The following GPC5 variants were observed in gnomAD, a reference collection of about 807,000 sequenced individuals.
The protein encoded by GPC5 is glypican-5.
A neutral mutation model predicts 53.9 loss-of-function variants in GPC5; 47 were observed. The observed-to-expected ratio is 0.87, with a 90% CI of 0.69 to 1.11. The LOEUF (loss-of-function observed/expected upper bound fraction) is 1.11, where lower values mean the gene tolerates loss of function less well. GPC5 is among the 50% of genes most tolerant of loss of function. The pLI is 0.00. For missense variants in GPC5, 748 were observed against 713.1 expected (o/e 1.05, Z -0.56); for synonymous variants, 286 against 263.3 (o/e 1.09, Z -0.84).
At chr13:91,804,189 C>T (rs190065257) in intron 5 of GPC5, among the ~76,000 whole-genome samples, 1 of 152,056 alleles carries the variant, frequency 6.6e-6, no homozygotes, top group South Asian at 2.1e-4. Flanking sequence ...CATTTAGAAC[C>T]AAAAATAGTA....
intron 7 of GPC5, among the ~76,000 whole-genome samples, chr13:92,505,080 G>T (rs12430310): frequency 4.6e-5 from 7 of 151,254 alleles, no homozygotes; most frequent in Admixed American, 2.6e-4. Flanking sequence ...GTCTCCTAAA[G>T]TTACAGTTCA....
At chr13:91,922,956 C>T (rs190570441) in intron 6 of GPC5, among the ~76,000 whole-genome samples, 7 of 152,152 alleles carry the variant, frequency 4.6e-5, no homozygotes, top group African/African-American at 1.2e-4. Flanking sequence ...TTCTACCACC[C>T]TCCATTGAAT....
intron 7 of GPC5, among the ~76,000 whole-genome samples, chr13:92,812,192 A>G (rs927079726): frequency 1.3e-5 from 2 of 151,970 alleles, no homozygotes; most frequent in African/African-American, 4.8e-5. Flanking sequence ...ACATCTTTGC[A>G]GTATTAAGTG....
chr13:92,056,876 A>ATT (rs1386789513), intron 6 of GPC5, among the ~76,000 whole-genome samples: 1 of 152,200 alleles, frequency 6.6e-6, no homozygotes, highest in African/African-American at 2.4e-5. Context: ...AAGGAGGAAA[A>ATT]TATCAATTCA....
At chr13:92,002,181 T>C (rs2040561735) in intron 6 of GPC5, among the ~76,000 whole-genome samples, 1 of 151,840 alleles carries the variant, frequency 6.6e-6, no homozygotes, top group Non-Finnish European at 1.5e-5. Flanking sequence ...AGATAGGGAA[T>C]ACCTACATAT....
chr13:91,745,989 A>C (rs1237488946), intron 4 of GPC5, among the ~76,000 whole-genome samples: 2 of 152,216 alleles, frequency 1.3e-5, no homozygotes, highest in Non-Finnish European at 2.9e-5. Flanking sequence ...TATTCTAAAG[A>C]CTTCTCTAAA....
At chr13:91,931,416 A>G (rs750097048) in intron 6 of GPC5, among the ~76,000 whole-genome samples, 12 of 152,058 alleles carry the variant, frequency 7.9e-5, no homozygotes, top group Non-Finnish European at 1.3e-4. Flanking sequence ...TACAGTGTGG[A>G]GCAATGAATT....
chr13:92,665,178 A>G (rs1401356535), intron 7 of GPC5, among the ~76,000 whole-genome samples: 1 of 152,166 alleles, frequency 6.6e-6, no homozygotes, highest in Non-Finnish European at 1.5e-5. Context: ...TTTTTTCCCC[A>G]GGAACAACAG....
chr13:91,842,626 T>C lies in GPC5; in HGVS notation c.1281-65311T>C, dbSNP rs1169715050. ...CTGAGGCAGGAGAATGGCATGAACC[T>C]GGGAGGCGGAGCTTGCAGTGAGCCG... On this transcript the variant is annotated intron_variant, in intron 5 of 7. Coordinates refer to ENST00000377067, the MANE Select transcript of GPC5 (RefSeq NM_004466.6). 8.3e-5 allele frequency among the ~76,000 whole-genome samples: 11 copies of C among 131,982 alleles called. 1 individual carries two copies. In the South Asian group the frequency reaches 2.2e-3, roughly 27 times the overall value. The allele number at this position is 131,982 out of a possible 152,430, so 86.6% of individuals were successfully genotyped here.
intron 7 of GPC5, among the ~76,000 whole-genome samples, chr13:92,694,252 G>T (rs536122205): frequency 3.3e-4 from 50 of 152,176 alleles, no homozygotes; most frequent in Non-Finnish European, 4.3e-4. Flanking sequence ...TGTGTAGGTT[G>T]TTTCTCCTAA....
chr13:91,590,197 G>C (rs921502858), intron 2 of GPC5, among the ~76,000 whole-genome samples: 2 of 150,692 alleles, frequency 1.3e-5, no homozygotes, highest in African/African-American at 4.9e-5. Context: ...TTGATAACAT[G>C]GATTATCAAA....
At chr13:91,705,221 T>C (rs2036073607) in intron 3 of GPC5, among the ~76,000 whole-genome samples, 1 of 152,240 alleles carries the variant, frequency 6.6e-6, no homozygotes, top group Non-Finnish European at 1.5e-5. Context: ...CCCTTCTGAC[T>C]GTTCACATTT....
chr13:92,276,260 G>A (rs775554423), intron 7 of GPC5, among the ~76,000 whole-genome samples: 64 of 152,108 alleles, frequency 4.2e-4, no homozygotes, highest in Admixed American at 1.1e-3. Context: ...TTTCACAGAT[G>A]TCTAAACTCA....
chr13:92,611,858 C>T (rs569980750), intron 7 of GPC5, among the ~76,000 whole-genome samples: 2 of 152,054 alleles, frequency 1.3e-5, no homozygotes, highest in South Asian at 4.2e-4. Flanking sequence ...ACAGGATGTT[C>T]CTACTATTTT....
intron 5 of GPC5, among the ~76,000 whole-genome samples, chr13:91,885,159 A>G (rs1335008682): frequency 6.6e-6 from 1 of 152,150 alleles, no homozygotes; most frequent in Non-Finnish European, 1.5e-5. Context: ...ATATGTACCC[A>G]TATGCCTTTG....
At chr13:91,779,287 CACAA>C (rs1207275714) in intron 5 of GPC5, among the ~76,000 whole-genome samples, 2 of 152,172 alleles carry the variant, frequency 1.3e-5, no homozygotes, top group Non-Finnish European at 2.9e-5. Context: ...TAGCTTAAAA[CACAA>C]ACACATGGTG....
intron 5 of GPC5, among the ~76,000 whole-genome samples, chr13:91,793,685 C>A (rs566174810): frequency 6.6e-6 from 1 of 152,272 alleles, no homozygotes; most frequent in African/African-American, 2.4e-5. Flanking sequence ...ACTCACAGTT[C>A]TGCATGACTG....
rs150107661 is a variant in GPC5, at chr13:91,724,668, G to T, written c.1021-3864G>T. Among the ~76,000 whole-genome samples the T allele has an allele frequency of 2.2e-3, 340 of 152,026 alleles. 4 individuals are homozygous for T. Among genetic ancestry groups the T allele is most frequent in the African/African-American group, 7.6e-3 (316 of 41,474 alleles). On this transcript the variant is annotated intron_variant, in intron 3 of 7. Coordinates refer to ENST00000377067, the MANE Select transcript of GPC5 (RefSeq NM_004466.6). ...GTTTGAGACCAGCCCTGGCAACATA[G>T]TGAGATCCCATCTCTACAAAAAAAT...
chr13:92,405,853 G>A (rs1875771978), intron 7 of GPC5, among the ~76,000 whole-genome samples: 1 of 152,122 alleles, frequency 6.6e-6, no homozygotes, highest in African/African-American at 2.4e-5. Flanking sequence ...AAATAGTTAA[G>A]AAGAAGGTGA....
Sources: gnomAD v4.1 joint callset for allele counts (sites outside exome capture counted in the v4.1 genomes callset) on GRCh38, gnomAD v4.1.1 for gene constraint, MANE v1.5 for transcripts, NCBI Gene and HGNC (gene_info 2026-07-23, HGNC 2026-07-21) for gene names.